The following SLC6A11 variants were observed in gnomAD, a reference collection of about 807,000 sequenced individuals.
The protein encoded by SLC6A11 is sodium- and chloride-dependent GABA transporter 3.
Under a neutral mutation model 74.8 loss-of-function variants are expected in SLC6A11, and 25 were observed. The observed-to-expected ratio is 0.33, with a 90% confidence interval of 0.24 to 0.47. The LOEUF (loss-of-function observed/expected upper bound fraction) is 0.47. Among genes scored for constraint, SLC6A11 ranks in the 20% least tolerant of loss-of-function variants. The pLI, the probability that SLC6A11 is intolerant of heterozygous loss-of-function variation, is 1.00. For missense variants in SLC6A11, 574 were observed against 837.0 expected (o/e 0.69, Z 3.88); for synonymous variants, 330 against 330.2 (o/e 1.00, Z 0.01).
chr3:10,936,667 G>C (rs1193579693), intron 13 of SLC6A11, among the ~76,000 whole-genome samples: 2 of 152,212 alleles, frequency 1.3e-5, no homozygotes, highest in Non-Finnish European at 1.5e-5. Flanking sequence ...GGGAATGTAG[G>C]TCAAGGGCAG....
intron 8 of SLC6A11, among the ~76,000 whole-genome samples, chr3:10,919,762 C>A (rs574191271): frequency 2.0e-5 from 3 of 152,324 alleles, no homozygotes; most frequent in South Asian, 4.2e-4. Context: ...GGAACTGTTA[C>A]ACACATCATC....
chr3:10,901,897 G>A (rs1695245372), intron 6 of SLC6A11, among the ~76,000 whole-genome samples: 1 of 152,208 alleles, frequency 6.6e-6, no homozygotes, highest in Admixed American at 6.5e-5. Context: ...GGTACACACT[G>A]GAAACACAGC....
In SLC6A11 at chr3:10,918,770, T is replaced by C. The variant is rs923252819; in HGVS notation, c.1120+317T>C. On this transcript the variant is annotated intron_variant, in intron 8 of 13. Coordinates refer to ENST00000254488, the MANE Select transcript of SLC6A11 (RefSeq NM_014229.3). This position sits in a 1 kb window ranked among gnomAD's most constrained non-coding sequence, Gnocchi z 4.5. ...TGCTCACCTGGATGGCTCAGAAACC[T>C]TTCCCTGGACTCTGTGCCTCTGCTG... Among the ~76,000 whole-genome samples the C allele has an allele frequency of 6.6e-6, 1 of 151,992 alleles. No individual in the cohort carries two copies. Among genetic ancestry groups the C allele is most frequent in the East Asian group, 1.9e-4 (1 of 5,194 alleles).
At chr3:10,900,119 C>T (rs1483114061) in intron 6 of SLC6A11, among the ~76,000 whole-genome samples, 1 of 152,182 alleles carries the variant, frequency 6.6e-6, no homozygotes, top group East Asian at 1.9e-4. Flanking sequence ...AATGTAGTTC[C>T]CTTATTTTAC....
chr3:10,857,385 G>A (rs1353537626), intron 5 of SLC6A11, among the ~76,000 whole-genome samples: 1 of 152,200 alleles, frequency 6.6e-6, no homozygotes, highest in African/African-American at 2.4e-5. Flanking sequence ...CCCATGGGCA[G>A]TGGGGAGCCA....
Position 10,913,508 on chromosome 3 carries a change from T to A in SLC6A11, c.995+1315T>A, listed in dbSNP as rs928165281. ...GAGTACGTATTGCTTTTATAATTTT[T>A]AAAAAATTGTTAATACAAATATCAT... On this transcript the variant is annotated intron_variant, in intron 7 of 13. Coordinates refer to ENST00000254488, the MANE Select transcript of SLC6A11 (RefSeq NM_014229.3). Among the ~76,000 whole-genome samples, 100 of 152,328 alleles carry A rather than the reference T, an allele frequency of 6.6e-4. 1 individual carries two copies. The highest frequency in any genetic ancestry group is 2.4e-3 in the African/African-American group (98 of 41,572).
chr3:10,874,966 A>G lies in SLC6A11; in HGVS notation c.762A>G (p.Val254=), dbSNP rs1280272517. The G allele has an allele frequency of 1.9e-6, 3 of 1,611,488 alleles. No homozygotes were observed. The highest frequency in any genetic ancestry group is 2.5e-6 in the Non-Finnish European group (3 of 1,178,510). Residue 254 remains valine (V), a synonymous_variant, in exon 6 of 14, where the codon GTA becomes GTG. Transcript: ENST00000254488. ...WKGTKSTGKV[V]YVTATFPYIM... The stretch of plus-strand genomic sequence containing the variant: ...TCCTCTCCTCTTGTGCACAGGTTGT[A>G]TACGTGACTGCGACATTCCCCTACA...
chr3:10,872,645 G>T (rs529914198), intron 5 of SLC6A11, among the ~76,000 whole-genome samples: 1 of 152,154 alleles, frequency 6.6e-6, no homozygotes, highest in Non-Finnish European at 1.5e-5. Flanking sequence ...TACCTTCCAG[G>T]ACCTAGCTCA....
At chr3:10,818,888 TTG>T (rs1694099388) in intron 1 of SLC6A11, among the ~76,000 whole-genome samples, 1 of 152,248 alleles carries the variant, frequency 6.6e-6, no homozygotes, top group South Asian at 2.1e-4. Context: ...AGATAGATTC[TTG>T]TTGCAAACTC....
chr3:10,864,775 A>G (rs1386539856), intron 5 of SLC6A11, among the ~76,000 whole-genome samples: 1 of 152,154 alleles, frequency 6.6e-6, no homozygotes, highest in African/African-American at 2.4e-5. Flanking sequence ...GCTCTGGCTG[A>G]TTCCCTCTGT....
chr3:10,925,614 G>T (rs1695593744), intron 8 of SLC6A11, among the ~76,000 whole-genome samples: 1 of 152,214 alleles, frequency 6.6e-6, no homozygotes, highest in African/African-American at 2.4e-5. Flanking sequence ...CAACCACTGG[G>T]TACCTGGTCC....
At chr3:10,920,659 A>AG (rs1695525438) in intron 8 of SLC6A11, among the ~76,000 whole-genome samples, 1 of 152,196 alleles carries the variant, frequency 6.6e-6, no homozygotes, top group Non-Finnish European at 1.5e-5. Context: ...TGTGCAGACT[A>AG]TGCCCTGCAC....
At chr3:10,817,220 A>G (rs1694075375) in intron 1 of SLC6A11, among the ~76,000 whole-genome samples, 1 of 152,164 alleles carries the variant, frequency 6.6e-6, no homozygotes, top group African/African-American at 2.4e-5. Flanking sequence ...CCTCTGGTGG[A>G]AGAATTGACA....
chr3:10,920,552 T>C (rs1351785434), intron 8 of SLC6A11, among the ~76,000 whole-genome samples: 2 of 152,234 alleles, frequency 1.3e-5, no homozygotes, highest in African/African-American at 4.8e-5. Context: ...CTGTCCCACT[T>C]GTCAGGCCGT....
chr3:10,845,053 A>G (rs1694486339), intron 5 of SLC6A11, among the ~76,000 whole-genome samples: 1 of 152,238 alleles, frequency 6.6e-6, no homozygotes, highest in East Asian at 1.9e-4. Flanking sequence ...AAGGATCAGT[A>G]CAGAGGTTAG....
At chr3:10,827,645 A>G (rs1694231471) in intron 4 of SLC6A11, among the ~76,000 whole-genome samples, 1 of 152,210 alleles carries the variant, frequency 6.6e-6, no homozygotes, top group South Asian at 2.1e-4. Context: ...ATCATTTGAC[A>G]AACATCTGAG....
intron 6 of SLC6A11, among the ~76,000 whole-genome samples, chr3:10,896,514 T>C (rs558334403): frequency 1.3e-5 from 2 of 152,364 alleles, no homozygotes; most frequent in African/African-American, 4.8e-5. Context: ...GAGCTGGAAC[T>C]CAACCAGATC....
intron 6 of SLC6A11, among the ~76,000 whole-genome samples, chr3:10,890,309 G>T (rs1021839164): frequency 6.6e-6 from 1 of 152,220 alleles, no homozygotes. Flanking sequence ...TGTGGGTTTC[G>T]TTCCTAAGAA....
At chr3:10,908,571 G>T (rs770687647) in intron 6 of SLC6A11, among the ~76,000 whole-genome samples, 3 of 152,106 alleles carry the variant, frequency 2.0e-5, no homozygotes, top group Admixed American at 6.5e-5. Context: ...ATCTCAAAAG[G>T]TGTGCCTCCT....
Sources: allele counts gnomAD v4.1 joint callset (sites outside exome capture counted in the v4.1 genomes callset), GRCh38; gene constraint gnomAD v4.1.1; non-coding constraint Gnocchi (gnomAD v3.1); transcripts MANE v1.5; gene names NCBI Gene and HGNC (gene_info 2026-07-23, HGNC 2026-07-21).